Variants in SEC22A observed in about 807,000 individuals in gnomAD.
SEC22A encodes the protein SEC22 homolog A, vesicle trafficking protein.
A neutral mutation model predicts 35.3 loss-of-function variants in SEC22A; 22 were observed. That is an observed-to-expected ratio of 0.62 (90% CI 0.45 to 0.89). The LOEUF is 0.89. Among genes scored for constraint, SEC22A ranks in the 40% least tolerant of loss-of-function variants. The pLI is 0.00. For synonymous variants in SEC22A, 119 were observed against 129.5 expected (o/e 0.92, Z 0.55); for missense variants, 354 against 362.5 (o/e 0.98, Z 0.19).
chr3:123,209,746 A>G (rs9812748), intron 2 of SEC22A, among the ~76,000 whole-genome samples: 29,907 of 152,210 alleles, frequency 0.2, 3,046 homozygotes, highest in Middle Eastern at 0.27. Flanking sequence ...AACTGAAGCA[A>G]CTTACGTCTA....
chr3:123,205,368 T>C (rs1936833997), intron 1 of SEC22A, among the ~76,000 whole-genome samples: 2 of 152,192 alleles, frequency 1.3e-5, no homozygotes, highest in Non-Finnish European at 2.9e-5. Context: ...TGTGTTCTGC[T>C]TTTGGTTAAA....
intron 5 of SEC22A, 76 bp downstream of exon 5, chr3:123,246,090 T>C: frequency 1.3e-6 from 1 of 774,838 alleles, no homozygotes; most frequent in Non-Finnish European, 2.3e-6. Flanking sequence ...TTGAATTGGA[T>C]TGGGTATTAG....
Position 123,271,912 on chromosome 3 carries a change from A to G in SEC22A, c.*190A>G. 1 of 592,524 alleles carries G rather than the reference A, an allele frequency of 1.7e-6. No homozygotes were observed. The highest frequency in any genetic ancestry group is 3.0e-6 in the Non-Finnish European group (1 of 334,274). 36.7% of individuals were successfully genotyped at this position (592,524 alleles called of 1,614,324 possible). Reference sequence around the variant, plus strand: ...GAGTCCTCTCAGAAGAATGTTGGCCATGAGACTATCATTCAGAGGAGGAGG... The same window carrying G: ...GAGTCCTCTCAGAAGAATGTTGGCCGTGAGACTATCATTCAGAGGAGGAGG... On this transcript the variant is annotated 3_prime_UTR_variant, in exon 7 of 7. Coordinates refer to ENST00000492595, the MANE Select transcript of SEC22A (RefSeq NM_012430.5).
At chr3:123,271,251 G>T (rs771600426) in intron 6 of SEC22A, among the ~76,000 whole-genome samples, 1 of 152,162 alleles carries the variant, frequency 6.6e-6, no homozygotes, top group Non-Finnish European at 1.5e-5. Flanking sequence ...TTGCAAGGAA[G>T]TCATTCCATT....
At chr3:123,227,915 C>T (rs1937243538) in intron 4 of SEC22A, among the ~76,000 whole-genome samples, 1 of 150,804 alleles carries the variant, frequency 6.6e-6, no homozygotes. Flanking sequence ...TACCACTGCA[C>T]TCCAGCCTGG....
At chr3:123,214,217 T>A (rs1936986148) in intron 2 of SEC22A, among the ~76,000 whole-genome samples, 1 of 151,916 alleles carries the variant, frequency 6.6e-6, no homozygotes, top group South Asian at 2.1e-4. Context: ...TAAATAAAAT[T>A]TAAAAATAAA....
chr3:123,207,201 G>C (rs1383265607), intron 1 of SEC22A, among the ~76,000 whole-genome samples: 1 of 152,088 alleles, frequency 6.6e-6, no homozygotes, highest in Non-Finnish European at 1.5e-5. Flanking sequence ...TTATTAGTTG[G>C]GTTAATTTTT....
At chr3:123,256,758 C>CTTTTTT (rs386397801) in intron 5 of SEC22A, among the ~76,000 whole-genome samples, 3 of 83,550 alleles carry the variant, frequency 3.6e-5, no homozygotes, top group East Asian at 5.3e-4. Context: ...TTTTTCTTTC[C>CTTTTTT]TTTTTTTTTT....
At chr3:123,229,732 C>T (rs1175776954) in intron 4 of SEC22A, among the ~76,000 whole-genome samples, 1 of 151,904 alleles carries the variant, frequency 6.6e-6, no homozygotes, top group Non-Finnish European at 1.5e-5. Context: ...CATGGTGCCA[C>T]ACGCCTGTAA....
In SEC22A at chr3:123,223,718, A is replaced by G; in HGVS notation, c.342A>G (p.Glu114=). 6.2e-7 allele frequency: 1 copy of G among 1,610,338 alleles called. No homozygotes were observed. Among genetic ancestry groups the G allele is most frequent in the Non-Finnish European group, 8.5e-7 (1 of 1,178,390 alleles). ...NTAVRPYCFI[E]FDNFIQRTKQ... is the part of the protein sequence containing the mutation. ...CTGTCAGACCATACTGTTTCATTGA[A>G]TTTGGTAAGGGCCTGATTTTTTTTT... is the stretch of plus-strand genomic sequence containing the variant. Residue 114 remains glutamate, a synonymous_variant, in exon 3 of 7, where the codon GAA becomes GAG. Transcript: ENST00000492595.
chr3:123,253,469 T>G (rs2108087674), intron 5 of SEC22A, among the ~76,000 whole-genome samples: 1 of 152,026 alleles, frequency 6.6e-6, no homozygotes, highest in Admixed American at 6.5e-5. Context: ...ATCCCAGCAC[T>G]TTGGGAGGCC....
At chr3:123,219,407 T>G (rs77568390) in intron 2 of SEC22A, among the ~76,000 whole-genome samples, 3,228 of 152,254 alleles carry the variant, frequency 0.021, 108 homozygotes, top group African/African-American at 0.074. Flanking sequence ...GAATTAGGGA[T>G]AATTGGTTAA....
At chr3:123,219,834 G>A (rs570794379) in intron 2 of SEC22A, among the ~76,000 whole-genome samples, 2 of 152,294 alleles carry the variant, frequency 1.3e-5, no homozygotes, top group East Asian at 3.9e-4. Flanking sequence ...CCTCAGTGAA[G>A]TGGTGGGAGT....
rs188931425 is a variant in SEC22A at position 123,246,768 on chromosome 3, C to T, written c.657+754C>T. 1.4e-4 allele frequency among the ~76,000 whole-genome samples: 21 copies of T among 152,272 alleles called. No homozygotes were observed. The East Asian group carries it at 3.9e-3, about 28-fold the overall frequency. ...CTCTGAAGAACTCTTGACACTCTCA[C>T]ATTATGAATCAGTCCTCTTTTTTTG... is the stretch of plus-strand genomic sequence containing the variant. On this transcript the variant is annotated intron_variant, in intron 5 of 6. Transcript: ENST00000492595.
chr3:123,204,462 C>T (rs1369937443), intron 1 of SEC22A, among the ~76,000 whole-genome samples: 3 of 152,104 alleles, frequency 2.0e-5, no homozygotes, highest in South Asian at 2.1e-4. Context: ...TTGGTTAGAA[C>T]GTATATACAA....
At chr3:123,267,940 C>T (rs961875062) in intron 6 of SEC22A, among the ~76,000 whole-genome samples, 7 of 152,016 alleles carry the variant, frequency 4.6e-5, no homozygotes, top group African/African-American at 7.3e-5. Flanking sequence ...GTCTTGTTAC[C>T]GATGAGAAAT....
intron 2 of SEC22A, among the ~76,000 whole-genome samples, chr3:123,219,003 T>C (rs1047638583): frequency 2.0e-5 from 3 of 152,210 alleles, no homozygotes; most frequent in African/African-American, 7.2e-5. Flanking sequence ...TGAAGAAAAC[T>C]AACAGCTGCT....
At chr3:123,230,699 CAAAAAAAAAAAA>C (rs376679473) in intron 4 of SEC22A, among the ~76,000 whole-genome samples, 1 of 47,426 alleles carries the variant, frequency 2.1e-5, no homozygotes, top group Non-Finnish European at 4.3e-5. Context: ...TCACTTCATG[CAAAAAAAAAAAA>C]AAAAAAAAAA....
At chr3:123,220,518 T>A (rs1358990734) in intron 2 of SEC22A, among the ~76,000 whole-genome samples, 2 of 152,180 alleles carry the variant, frequency 1.3e-5, no homozygotes, top group African/African-American at 4.8e-5. Flanking sequence ...ATTATGATCC[T>A]TAAGAGATAC....
Sources: gnomAD v4.1 joint callset for allele counts (sites outside exome capture counted in the v4.1 genomes callset) on GRCh38, gnomAD v4.1.1 for gene constraint, MANE v1.5 for transcripts, NCBI Gene and HGNC (gene_info 2026-07-23, HGNC 2026-07-21) for gene names.